The following PTPRD variants were observed in gnomAD, a reference collection of about 807,000 sequenced individuals.
PTPRD encodes protein tyrosine phosphatase receptor type D.
A neutral mutation model predicts 214.5 loss-of-function variants in PTPRD; 34 were observed. The observed-to-expected ratio is 0.16, with a 90% CI of 0.12 to 0.21. The LOEUF (loss-of-function observed/expected upper bound fraction) is 0.21. PTPRD is among the 10% of genes least tolerant of loss of function. PTPRD has a pLI of 1.00. For synonymous variants in PTPRD, 1,128 were observed against 845.7 expected (o/e 1.33, Z -5.79); for missense variants, 2,545 against 2,398.7 (o/e 1.06, Z -1.27).
At chr9:9,808,745 C>G (rs975346977) in intron 5 of PTPRD, among the ~76,000 whole-genome samples, 28 of 152,166 alleles carry the variant, frequency 1.8e-4, no homozygotes, top group African/African-American at 6.7e-4. Flanking sequence ...ACTTTCATCT[C>G]CCTTATGACT....
intron 12 of PTPRD, among the ~76,000 whole-genome samples, chr9:8,699,205 C>A (rs1228196712): frequency 1.3e-5 from 2 of 152,142 alleles, no homozygotes; most frequent in East Asian, 3.8e-4. Flanking sequence ...TTTATGAAAT[C>A]TATCAGTTCA....
intron 34 of PTPRD, among the ~76,000 whole-genome samples, chr9:8,439,308 T>C (rs1022910930): frequency 6.6e-5 from 10 of 152,282 alleles, no homozygotes; most frequent in Admixed American, 2.0e-4. Context: ...AATAAGAGTA[T>C]AGAACTAGAT....
intron 4 of PTPRD, among the ~76,000 whole-genome samples, chr9:9,970,690 T>A (rs1236919589): frequency 6.6e-6 from 1 of 152,010 alleles, no homozygotes; most frequent in East Asian, 1.9e-4. Flanking sequence ...TCACCAGGAG[T>A]CGTCCCGCTG....
chr9:9,684,182 T>C (rs912709735), intron 7 of PTPRD, among the ~76,000 whole-genome samples: 1 of 151,720 alleles, frequency 6.6e-6, no homozygotes, highest in African/African-American at 2.4e-5. Flanking sequence ...AAAGACCTTT[T>C]AACATTTTAT....
At chr9:9,273,595 G>A (rs1943799350) in intron 9 of PTPRD, among the ~76,000 whole-genome samples, 1 of 151,204 alleles carries the variant, frequency 6.6e-6, no homozygotes, top group African/African-American at 2.4e-5. Context: ...TTTCTTCACT[G>A]CAGATATCAG....
intron 7 of PTPRD, among the ~76,000 whole-genome samples, chr9:9,711,582 A>G (rs535511685): frequency 6.6e-6 from 1 of 152,150 alleles, no homozygotes; most frequent in Non-Finnish European, 1.5e-5. Context: ...TACTATTTCT[A>G]TTGGAGCTAT....
intron 39 of PTPRD, among the ~76,000 whole-genome samples, chr9:8,374,348 A>G (rs1024502869): frequency 4.6e-5 from 7 of 151,974 alleles, no homozygotes; most frequent in African/African-American, 1.7e-4. Context: ...AGGCCTGCAA[A>G]GAACTGTGAG....
intron 11 of PTPRD, among the ~76,000 whole-genome samples, chr9:8,998,222 G>T (rs554413714): frequency 6.6e-6 from 1 of 152,066 alleles, no homozygotes; most frequent in African/African-American, 2.4e-5. Context: ...TACATCTAGG[G>T]CTTTCAAAGC....
intron 19 of PTPRD, among the ~76,000 whole-genome samples, chr9:8,522,547 A>G (rs2097912307): frequency 6.6e-6 from 1 of 152,210 alleles, no homozygotes; most frequent in Non-Finnish European, 1.5e-5. Context: ...CCACATTCAA[A>G]TTGAGGGACA....
intron 2 of PTPRD, among the ~76,000 whole-genome samples, chr9:10,491,747 A>G (rs576924646): frequency 6.6e-6 from 1 of 151,494 alleles, no homozygotes; most frequent in African/African-American, 2.4e-5. Flanking sequence ...AAGTTCCGGG[A>G]TATATGTGCA....
At chr9:8,448,441 T>C (rs2095820084) in intron 34 of PTPRD, among the ~76,000 whole-genome samples, 2 of 152,196 alleles carry the variant, frequency 1.3e-5, no homozygotes, top group Non-Finnish European at 2.9e-5. Context: ...TTTACTACAG[T>C]AACTTAATTC....
intron 11 of PTPRD, among the ~76,000 whole-genome samples, chr9:8,854,200 T>C (rs1291869825): frequency 6.6e-6 from 1 of 152,136 alleles, no homozygotes; most frequent in East Asian, 1.9e-4. Flanking sequence ...TGCATAGATA[T>C]TTTAAGTGTA....
chr9:9,256,134 T>C (rs2099977599), intron 9 of PTPRD, among the ~76,000 whole-genome samples: 1 of 152,018 alleles, frequency 6.6e-6, no homozygotes, highest in Admixed American at 6.6e-5. Context: ...AGGCAACTTG[T>C]ATAGAGTGGC....
chr9:10,336,200 A>G (rs2096841341), intron 3 of PTPRD, among the ~76,000 whole-genome samples: 1 of 151,808 alleles, frequency 6.6e-6, no homozygotes, highest in Admixed American at 6.6e-5. Flanking sequence ...TGAATACTAA[A>G]ATAAGTGAAA....
intron 7 of PTPRD, among the ~76,000 whole-genome samples, chr9:9,719,168 C>A (rs1362047222): frequency 1.3e-5 from 2 of 152,116 alleles, no homozygotes; most frequent in African/African-American, 4.8e-5. Flanking sequence ...TCAGCCAGAT[C>A]CAGAGACTTG....
intron 7 of PTPRD, among the ~76,000 whole-genome samples, chr9:9,724,086 T>G (rs1026309738): frequency 6.6e-6 from 1 of 152,120 alleles, no homozygotes; most frequent in Non-Finnish European, 1.5e-5. Context: ...TTATGTCTTC[T>G]TTTAATAAAA....
intron 5 of PTPRD, among the ~76,000 whole-genome samples, chr9:9,813,712 T>C (rs1598540643): frequency 6.6e-6 from 1 of 152,092 alleles, no homozygotes; most frequent in Non-Finnish European, 1.5e-5. Flanking sequence ...AAGCAGTCCT[T>C]TTCAAACTTT....
intron 14 of PTPRD, among the ~76,000 whole-genome samples, chr9:8,592,368 A>G (rs1006378408): frequency 2.0e-5 from 3 of 152,212 alleles, no homozygotes; most frequent in African/African-American, 7.2e-5. Flanking sequence ...CTGGTGTGTC[A>G]GTGATAATGA....
intron 11 of PTPRD, among the ~76,000 whole-genome samples, chr9:8,812,510 A>G (rs530351368): frequency 3.9e-5 from 6 of 152,320 alleles, no homozygotes; most frequent in African/African-American, 1.4e-4. Flanking sequence ...CGTAGATGAT[A>G]AAGTTATTTA....
Sources: gnomAD v4.1 joint callset for allele counts (sites outside exome capture counted in the v4.1 genomes callset) on GRCh38, gnomAD v4.1.1 for gene constraint, MANE v1.5 for transcripts, NCBI Gene and HGNC (gene_info 2026-07-23, HGNC 2026-07-21) for gene names.